The following RBM47 variants were observed in gnomAD, a reference collection of about 807,000 sequenced individuals.
RBM47 encodes RNA binding motif protein 47.
Under a neutral mutation model 47.1 loss-of-function variants are expected in RBM47, and 21 were observed. The observed-to-expected ratio is 0.45, with a 90% CI of 0.32 to 0.64. The LOEUF is 0.64. Among genes scored for constraint, RBM47 ranks in the 30% least tolerant of loss-of-function variants. The probability of loss-of-function intolerance (pLI) is 0.05; values close to 1 mark genes in which losing one functional copy is unlikely to be tolerated. For missense variants in RBM47, 708 were observed against 870.9 expected, an observed-to-expected ratio of 0.81 and a Z score of 2.35; for synonymous variants, 375 against 361.7, an observed-to-expected ratio of 1.04 and a Z score of -0.42.
At chr4:40,466,220 A>T (rs1717989229) in intron 3 of RBM47, among the ~76,000 whole-genome samples, 2 of 149,900 alleles carry the variant, frequency 1.3e-5, no homozygotes, top group South Asian at 4.2e-4. Flanking sequence ...GTGAGCTGAG[A>T]TCGTGCCACT....
intron 1 of RBM47, among the ~76,000 whole-genome samples, chr4:40,614,355 T>C (rs1736519348): frequency 6.6e-6 from 1 of 152,114 alleles, no homozygotes; most frequent in Non-Finnish European, 1.5e-5. Flanking sequence ...AGTCAAAGCC[T>C]AGTCCAAAAT....
rs540484622 is a variant in RBM47, at chr4:40,526,789, C to CTT, written c.-155+17631_-155+17632dup. Among the ~76,000 whole-genome samples the CTT allele has an allele frequency of 4.5e-4, 28 of 61,626 alleles. 1 individual carries two copies. Among genetic ancestry groups the CTT allele is most frequent in the Non-Finnish European group, 5.5e-4 (19 of 34,374 alleles). 40.4% of individuals were successfully genotyped at this position (61,626 alleles called of 152,430 possible). A position where few individuals can be genotyped will look rare whatever the true frequency, so the allele number is the denominator to read the frequency against. ...TCTCACTGTGCTGCCCAGTTTGGTTCTTTTTTTTTTTTTTTTTTTTTTTTT... is the reference window on the plus strand; with the variant it reads ...TCTCACTGTGCTGCCCAGTTTGGTTCTTTTTTTTTTTTTTTTTTTTTTTTTTT... On this transcript the variant is annotated intron_variant, in intron 2 of 6. Transcript: ENST00000295971.
At chr4:40,498,056 A>ATATATG (rs1161958659) in intron 2 of RBM47, among the ~76,000 whole-genome samples, 3 of 65,748 alleles carry the variant, frequency 4.6e-5, no homozygotes, top group Non-Finnish European at 9.2e-5. Flanking sequence ...TGCTTGTTTT[A>ATATATG]TATATATATA....
chr4:40,609,033 G>A (rs1403867008), intron 1 of RBM47, among the ~76,000 whole-genome samples: 2 of 151,678 alleles, frequency 1.3e-5, no homozygotes, highest in South Asian at 2.1e-4. Context: ...CACTCTTGTC[G>A]CCCAGGCTGG....
chr4:40,436,923 CA>C (rs781591532), intron 4 of RBM47: 2 of 520,264 alleles, frequency 3.8e-6, no homozygotes, highest in Non-Finnish European at 7.4e-6. Flanking sequence ...ATAGACTACC[CA>C]CCACCCCCTC....
rs554222271 is a variant in RBM47 at position 40,539,929 on chromosome 4, T to C, written c.-155+4493A>G. On this transcript the variant is annotated intron_variant, in intron 2 of 6. Coordinates refer to ENST00000295971, the MANE Select transcript of RBM47 (RefSeq NM_001098634.2). The stretch of plus-strand genomic sequence containing the variant: ...TCACCAGGCCACGTTTTCCTCCTTT[T>C]CAAATGCAACTTGCATTTTCAACTT... Among the ~76,000 whole-genome samples the C allele has an allele frequency of 7.2e-5, 11 of 152,252 alleles. No individual in the cohort carries two copies. In the East Asian group the frequency reaches 2.1e-3, roughly 29 times the overall value.
intron 1 of RBM47, among the ~76,000 whole-genome samples, chr4:40,579,658 G>A (rs562710453): frequency 3.9e-5 from 6 of 152,060 alleles, no homozygotes; most frequent in African/African-American, 7.2e-5. Context: ...CTCCATACAC[G>A]AGTCAATCTA....
At chr4:40,603,572 C>T (rs1735472908) in intron 1 of RBM47, among the ~76,000 whole-genome samples, 1 of 151,614 alleles carries the variant, frequency 6.6e-6, no homozygotes, top group East Asian at 1.9e-4. Flanking sequence ...CTTTCCCCTC[C>T]CCTCCTCTCC....
chr4:40,451,260 A>T (rs1715400820), intron 3 of RBM47, among the ~76,000 whole-genome samples: 1 of 152,056 alleles, frequency 6.6e-6, no homozygotes, highest in African/African-American at 2.4e-5. Context: ...GTTTGAGGTA[A>T]GTGTCTCTGT....
chr4:40,552,732 T>C (rs1729680164), intron 1 of RBM47, among the ~76,000 whole-genome samples: 2 of 152,240 alleles, frequency 1.3e-5, no homozygotes, highest in African/African-American at 4.8e-5. Context: ...CTCCATTCCC[T>C]GCTGTTCATT....
intron 1 of RBM47, among the ~76,000 whole-genome samples, chr4:40,554,004 C>T (rs80345752): frequency 0.013 from 1,907 of 152,212 alleles, 37 homozygotes; most frequent in African/African-American, 0.043. Context: ...CCTGGTTTCT[C>T]CAAGCTCACA....
At chr4:40,465,127 A>G (rs1717815772) in intron 3 of RBM47, among the ~76,000 whole-genome samples, 2 of 152,080 alleles carry the variant, frequency 1.3e-5, no homozygotes, top group Non-Finnish European at 2.9e-5. Context: ...ACTAAATCCA[A>G]AACCCAGCCT....
chr4:40,479,446 T>C (rs893031220), intron 2 of RBM47, among the ~76,000 whole-genome samples: 10 of 151,542 alleles, frequency 6.6e-5, no homozygotes, highest in East Asian at 1.9e-4. Flanking sequence ...CTACAAATAA[T>C]AAAAAAATTA....
intron 2 of RBM47, among the ~76,000 whole-genome samples, chr4:40,517,597 A>G (rs538561194): frequency 1.3e-5 from 2 of 152,330 alleles, no homozygotes; most frequent in South Asian, 4.1e-4. Context: ...TATTCTACGT[A>G]CAGTCAGCCC....
intron 2 of RBM47, among the ~76,000 whole-genome samples, chr4:40,476,928 A>T (rs1389452179): frequency 6.6e-6 from 1 of 152,204 alleles, no homozygotes; most frequent in African/African-American, 2.4e-5. Flanking sequence ...AAGGAGCCAG[A>T]GTTGGAAGTA....
At chr4:40,429,112 G>A (rs542070977) in intron 6 of RBM47, among the ~76,000 whole-genome samples, 2 of 152,176 alleles carry the variant, frequency 1.3e-5, no homozygotes, top group African/African-American at 4.8e-5. Context: ...CCAGGAAAAC[G>A]ACACTGTCTG....
At chr4:40,443,483 T>G (rs906610982) in intron 3 of RBM47, among the ~76,000 whole-genome samples, 19 of 151,892 alleles carry the variant, frequency 1.3e-4, no homozygotes, top group Admixed American at 6.6e-5. Flanking sequence ...TTTGGGAGGC[T>G]AAGGTGGGCG....
intron 1 of RBM47, among the ~76,000 whole-genome samples, chr4:40,605,291 C>T (rs1486330440): frequency 6.6e-6 from 1 of 151,962 alleles, no homozygotes; most frequent in Non-Finnish European, 1.5e-5. Flanking sequence ...TCCCAAAGTG[C>T]TGGGATTACA....
chr4:40,432,987 G>T lies in RBM47; in HGVS notation c.1331-125C>A, dbSNP rs4861002. The T allele has an allele frequency of 4.5e-6, 6 of 1,339,290 alleles. No individual in the cohort carries two copies. In the African/African-American group the frequency reaches 6.1e-5, roughly 14 times the overall value. The allele number at this position is 1,339,290 out of a possible 1,614,324, so 83.0% of individuals were successfully genotyped here. A position where few individuals can be genotyped will look rare whatever the true frequency, so the allele number is the denominator to read the frequency against. On this transcript the variant is annotated intron_variant, in intron 5 of 6. Transcript: ENST00000295971. ...AAACTTTTCTTTTTTTTGAGACAGG[G>T]TCTCACTCTGTGGCCCAGGCTGGAA...
Sources: gnomAD v4.1 joint callset for allele counts (sites outside exome capture counted in the v4.1 genomes callset) on GRCh38, gnomAD v4.1.1 for gene constraint, MANE v1.5 for transcripts, NCBI Gene and HGNC (gene_info 2026-07-23, HGNC 2026-07-21) for gene names.